MSRA: variants seen among roughly 807,000 people sequenced by gnomAD.
MSRA encodes mitochondrial peptide methionine sulfoxide reductase.
MSRA carries 54 observed loss-of-function variants against 31.3 expected under a neutral mutation model. That is an observed-to-expected ratio of 1.73 (90% CI 1.39 to 2.17). MSRA has a LOEUF of 2.17. Ranked by LOEUF, MSRA falls within the 30% of genes most tolerant of loss-of-function variation. The pLI is 0.00. For missense variants in MSRA, 507 were observed against 300.9 expected (o/e 1.69, Z -5.07); for synonymous variants, 169 against 116.5 (o/e 1.45, Z -2.90).
intron 2 of MSRA, among the ~76,000 whole-genome samples, chr8:10,235,640 A>G (rs992467219): frequency 1.3e-5 from 2 of 152,162 alleles, no homozygotes; most frequent in African/African-American, 4.8e-5. Flanking sequence ...AGATATAAAA[A>G]TATGAATACA....
At chr8:10,392,888 TGCA>T (rs1268794411) in intron 5 of MSRA, among the ~76,000 whole-genome samples, 5 of 8,378 alleles carry the variant, frequency 6.0e-4, no homozygotes, top group African/African-American at 1.7e-3. Context: ...CTACTAAAAA[TGCA>T]AAAAAAAAAA....
chr8:10,298,639 A>C (rs1049308716), intron 3 of MSRA, among the ~76,000 whole-genome samples: 7 of 152,132 alleles, frequency 4.6e-5, no homozygotes, highest in Admixed American at 4.6e-4. Context: ...AAAAATCATG[A>C]GCATTAAATG....
chr8:10,222,075 C>G (rs1003536833), intron 2 of MSRA, among the ~76,000 whole-genome samples: 2 of 150,760 alleles, frequency 1.3e-5, no homozygotes, highest in Admixed American at 6.6e-5. Context: ...AGAGGTATGA[C>G]GTGACTTTTT....
chr8:10,208,273 C>CT lies in MSRA; in HGVS notation c.211+374dup, dbSNP rs888922805. ...AAGGCTGGAATTTAAGTAGTTTTGA[C>CT]TTATTATTACACAAAGATTAATCTA... On this transcript the variant is annotated intron_variant, in intron 2 of 5. Coordinates refer to ENST00000317173, the MANE Select transcript of MSRA (RefSeq NM_012331.5). Among the ~76,000 whole-genome samples, 20 of 151,656 alleles carry CT rather than the reference C, an allele frequency of 1.3e-4. No individual in the cohort carries two copies. In the South Asian group the frequency reaches 3.5e-3, roughly 27 times the overall value.
chr8:10,245,179 C>T lies in MSRA; in HGVS notation c.287C>T (p.Ala96Val). The T allele has an allele frequency of 2.5e-6, 4 of 1,613,528 alleles. No individual in the cohort carries two copies. The highest frequency in any genetic ancestry group is 3.4e-6 in the Non-Finnish European group (4 of 1,179,778). Reference protein sequence around the residue: ...KGVYSTQVGFAGGYTSNPTYK... With the variant: ...KGVYSTQVGFVGGYTSNPTYK... Reference sequence around the variant, plus strand: ...GTGTATTCAACTCAAGTTGGTTTTGCAGGAGGCTATACTTCAAATCCTACT... The same window carrying T: ...GTGTATTCAACTCAAGTTGGTTTTGTAGGAGGCTATACTTCAAATCCTACT... Residue 96 changes from alanine (A) to valine (V), a missense_variant, in exon 3 of 6, where the codon GCA becomes GTA. Transcript: ENST00000317173.
chr8:10,202,549 G>C (rs1808592472), intron 1 of MSRA, among the ~76,000 whole-genome samples: 1 of 152,216 alleles, frequency 6.6e-6, no homozygotes, highest in Non-Finnish European at 1.5e-5. Flanking sequence ...TAAGCGATGA[G>C]ACTCTATGGG....
At chr8:10,313,801 T>C (rs1405156365) in intron 4 of MSRA, among the ~76,000 whole-genome samples, 2 of 152,246 alleles carry the variant, frequency 1.3e-5, no homozygotes, top group African/African-American at 4.8e-5. Flanking sequence ...AAGCTACAGC[T>C]GTTAAGACAT....
intron 1 of MSRA, among the ~76,000 whole-genome samples, chr8:10,081,643 C>T (rs898594123): frequency 2.6e-5 from 4 of 152,088 alleles, no homozygotes; most frequent in East Asian, 1.9e-4. Flanking sequence ...GCGCCCACAA[C>T]GACGCCTGAC....
chr8:10,154,282 G>A (rs79567004), intron 1 of MSRA, among the ~76,000 whole-genome samples: 10,788 of 140,044 alleles, frequency 0.077, 448 homozygotes, highest in African/African-American at 0.13. Context: ...TTACGGCAGG[G>A]CAGGGGTGCT....
intron 5 of MSRA, among the ~76,000 whole-genome samples, chr8:10,366,855 G>C (rs146124062): frequency 3.3e-5 from 5 of 152,260 alleles, no homozygotes; most frequent in South Asian, 4.1e-4. Context: ...CTGACCACCA[G>C]ACCCAAGGCT....
intron 5 of MSRA, among the ~76,000 whole-genome samples, chr8:10,399,448 G>A (rs1345763579): frequency 6.6e-6 from 1 of 152,212 alleles, no homozygotes; most frequent in African/African-American, 2.4e-5. Context: ...TGAGTTGCCA[G>A]TCAGTTAGTT....
At chr8:10,108,159 C>T (rs747366245) in intron 1 of MSRA, among the ~76,000 whole-genome samples, 1 of 152,180 alleles carries the variant, frequency 6.6e-6, no homozygotes, top group Non-Finnish European at 1.5e-5. Context: ...CACCCCCGTT[C>T]TCAGTGGTTC....
chr8:10,281,650 G>A (rs1266789378), intron 3 of MSRA, among the ~76,000 whole-genome samples: 1 of 151,980 alleles, frequency 6.6e-6, no homozygotes, highest in African/African-American at 2.4e-5. Flanking sequence ...TCCGGCATGT[G>A]CTACAGGGGA....
At chr8:10,125,378 C>T (rs1236889326) in intron 1 of MSRA, among the ~76,000 whole-genome samples, 5 of 152,142 alleles carry the variant, frequency 3.3e-5, no homozygotes, top group African/African-American at 4.8e-5. Context: ...ACAGGCTTGA[C>T]CCAAGCCTGG....
intron 3 of MSRA, among the ~76,000 whole-genome samples, chr8:10,286,043 G>A (rs2952176): frequency 0.65 from 98,323 of 151,832 alleles, 33,950 homozygotes; most frequent in East Asian, 0.81. Context: ...AGAGGGAGCT[G>A]TGGGGTTCTG....
rs1467440154 is a variant in MSRA, at chr8:10,113,289, C to CTTTTTTTTTTTTTTTTTTTTTT, written c.142+58633_142+58634insTTTTTTTTTTTTTTTTTTTTTT. Reference sequence around the variant, plus strand: ...AGGCATGGCTTTGGTGAAGACAGGTCTTCTTTTTTTTTTTTTTTTTTTTTT... The same window carrying CTTTTTTTTTTTTTTTTTTTTTT: ...AGGCATGGCTTTGGTGAAGACAGGTCTTTTTTTTTTTTTTTTTTTTTTTTCTTTTTTTTTTTTTTTTTTTTTT... On this transcript the variant is annotated intron_variant, in intron 1 of 5. Transcript: ENST00000317173. 9.8e-4 allele frequency among the ~76,000 whole-genome samples: 50 copies of CTTTTTTTTTTTTTTTTTTTTTT among 50,906 alleles called. 6 individuals carry two copies. Among genetic ancestry groups the CTTTTTTTTTTTTTTTTTTTTTT allele is most frequent in the Admixed American group, 2.1e-3 (7 of 3,412 alleles). 33.4% of individuals were successfully genotyped at this position (50,906 alleles called of 152,430 possible).
intron 1 of MSRA, among the ~76,000 whole-genome samples, chr8:10,193,378 C>G (rs1184160912): frequency 6.6e-6 from 1 of 152,186 alleles, no homozygotes; most frequent in Admixed American, 6.5e-5. Flanking sequence ...CTCTGTCTCC[C>G]CTGTGTTTGA....
chr8:10,283,642 C>G (rs995772604), intron 3 of MSRA, among the ~76,000 whole-genome samples: 7 of 151,192 alleles, frequency 4.6e-5, no homozygotes, highest in East Asian at 3.9e-4. Context: ...ATTCTTATGC[C>G]TTTGCATCCT....
chr8:10,304,005 G>A (rs951455481), intron 4 of MSRA, among the ~76,000 whole-genome samples: 7 of 152,116 alleles, frequency 4.6e-5, no homozygotes, highest in Admixed American at 2.0e-4. Context: ...GCGTGATCGC[G>A]TCTCACTGAA....
Sources: gnomAD v4.1 joint callset for allele counts (sites outside exome capture counted in the v4.1 genomes callset) on GRCh38, gnomAD v4.1.1 for gene constraint, MANE v1.5 for transcripts, NCBI Gene and HGNC (gene_info 2026-07-23, HGNC 2026-07-21) for gene names.